The following DHX57 variants were observed in gnomAD, a reference collection of about 807,000 sequenced individuals.
DHX57 encodes the protein DExH-box helicase 57.
DHX57 carries 105 observed loss-of-function variants against 156.2 expected under a neutral mutation model. That is an observed-to-expected ratio of 0.67 (90% CI 0.57 to 0.79). The LOEUF (loss-of-function observed/expected upper bound fraction) is 0.79, where lower values mean the gene tolerates loss of function less well. Among genes scored for constraint, DHX57 ranks in the 30% least tolerant of loss-of-function variants. DHX57 has a pLI of 0.00. For missense variants in DHX57, 1,847 were observed against 1,661.9 expected (o/e 1.11, Z -1.94); for synonymous variants, 704 against 595.6 (o/e 1.18, Z -2.65).
At chr2:38,839,311 C>T (rs1490155722) in intron 12 of DHX57, among the ~76,000 whole-genome samples, 1 of 152,002 alleles carries the variant, frequency 6.6e-6, no homozygotes, top group Non-Finnish European at 1.5e-5. Context: ...CTCAGGCTCT[C>T]CTAATGACCT....
Position 38,858,848 on chromosome 2 carries a change from T to C in DHX57, c.1412-12A>G. 1 of 1,605,470 alleles carries C rather than the reference T, an allele frequency of 6.2e-7. No individual in the cohort carries two copies. The highest frequency in any genetic ancestry group is 8.5e-7 in the Non-Finnish European group (1 of 1,178,016). On this transcript the variant is annotated splice_polypyrimidine_tract_variant and intron_variant, in intron 5 of 23. Coordinates refer to ENST00000457308, the MANE Select transcript of DHX57 (RefSeq NM_198963.3). ...TGATGCTTTTTCAACTTGAAGGAAA[T>C]AAAAGAAAACATTTCAGTATGGAGC...
chr2:38,852,430 A>T (rs1354961746), intron 9 of DHX57, among the ~76,000 whole-genome samples: 1 of 150,134 alleles, frequency 6.7e-6, no homozygotes, highest in Admixed American at 6.7e-5. Context: ...CTTCTTCTCA[A>T]GATATTTATT....
intron 19 of DHX57, among the ~76,000 whole-genome samples, chr2:38,818,071 A>G (rs1670631425): frequency 6.6e-6 from 1 of 152,152 alleles, no homozygotes; most frequent in African/African-American, 2.4e-5. Flanking sequence ...CTGGTTCAGT[A>G]TTAGTTCTTT....
At chr2:38,824,012 AC>A (rs1319353074) in intron 16 of DHX57, among the ~76,000 whole-genome samples, 2 of 149,608 alleles carry the variant, frequency 1.3e-5, no homozygotes, top group African/African-American at 2.4e-5. Context: ...CTCTGTTTCC[AC>A]AAAAAAAAAA....
intron 2 of DHX57, among the ~76,000 whole-genome samples, chr2:38,863,824 C>A (rs1209596478): frequency 2.0e-5 from 3 of 151,750 alleles, no homozygotes; most frequent in Non-Finnish European, 4.4e-5. Flanking sequence ...ACCAGCCTGG[C>A]CAACATGGTG....
intron 2 of DHX57, among the ~76,000 whole-genome samples, chr2:38,865,665 T>C (rs1665032154): frequency 6.6e-6 from 1 of 152,134 alleles, no homozygotes; most frequent in Non-Finnish European, 1.5e-5. Flanking sequence ...GTTGGGAACA[T>C]TCCAAATTCT....
In DHX57 at chr2:38,861,346, A is replaced by G; in HGVS notation, c.1064T>C (p.Leu355Pro). Residue 355 changes from leucine (L) to proline (P), a missense_variant, in exon 5 of 24, where the codon CTT (leucine) becomes CCT (proline). Transcript: ENST00000457308. Reference protein sequence around the residue: ...AIEDASFLYELEIRFSKDHKY... With the variant: ...AIEDASFLYEPEIRFSKDHKY... Reference sequence around the variant, plus strand: ...GTGGTCTTTAGAAAATCGAATTTCAAGTTCATATAAAAAAGATGCATCTTC... The same window carrying G: ...GTGGTCTTTAGAAAATCGAATTTCAGGTTCATATAAAAAAGATGCATCTTC... 1 of 1,613,680 alleles carries G rather than the reference A, an allele frequency of 6.2e-7. No individual in the cohort carries two copies. Among genetic ancestry groups the G allele is most frequent in the Non-Finnish European group, 8.5e-7 (1 of 1,179,922 alleles).
intron 13 of DHX57, among the ~76,000 whole-genome samples, chr2:38,831,062 T>C (rs929989818): frequency 9.9e-5 from 15 of 151,798 alleles, no homozygotes; most frequent in Admixed American, 6.6e-5. Flanking sequence ...AGTGAAACTC[T>C]GTCTCAAAAA....
chr2:38,806,512 T>C (rs1669942359), intron 22 of DHX57, 47 bp downstream of exon 22: 1 of 1,596,744 alleles, frequency 6.3e-7, no homozygotes, highest in African/African-American at 1.3e-5. Context: ...TTGCATTTCC[T>C]ACCCCAGGAC....
intron 14 of DHX57, among the ~76,000 whole-genome samples, 154 bp downstream of exon 14, chr2:38,828,186 T>A (rs1015180504): frequency 6.6e-5 from 10 of 152,234 alleles, no homozygotes; most frequent in African/African-American, 2.2e-4. Context: ...AGGGAATAAC[T>A]GATTTCCTGC....
chr2:38,798,097 A>C lies in DHX57; in HGVS notation c.*202T>G, dbSNP rs528752004. The C allele has an allele frequency of 1.3e-5, 7 of 519,750 alleles. 1 individual carries two copies. In the South Asian group the frequency reaches 3.3e-4, roughly 24 times the overall value. The allele number at this position is 519,750 out of a possible 1,614,324, so 32.2% of individuals were successfully genotyped here. On this transcript the variant is annotated 3_prime_UTR_variant, in exon 24 of 24. Transcript: ENST00000457308. ...TTTAGGCTCTCACCCTTGACACTCC[A>C]AATTGTGCTGGGAGTGGCCAAGGCT...
intron 1 of DHX57, among the ~76,000 whole-genome samples, chr2:38,870,134 A>C (rs891930754): frequency 2.6e-5 from 4 of 152,166 alleles, no homozygotes; most frequent in Non-Finnish European, 5.9e-5. Context: ...GATGAACTTG[A>C]AGACAGACTG....
At chr2:38,870,842 G>A (rs1474820516) in intron 1 of DHX57, among the ~76,000 whole-genome samples, 2 of 151,760 alleles carry the variant, frequency 1.3e-5, no homozygotes, top group East Asian at 3.9e-4. Context: ...TTGCGCCACT[G>A]CACTCCAGCC....
intron 1 of DHX57, among the ~76,000 whole-genome samples, chr2:38,871,896 G>C (rs1310698489): frequency 6.6e-6 from 1 of 152,030 alleles, no homozygotes; most frequent in Non-Finnish European, 1.5e-5. Context: ...TTTTAGTAGA[G>C]ACAGGGTTTC....
chr2:38,803,434 T>C (rs1256173387), intron 22 of DHX57, among the ~76,000 whole-genome samples: 1 of 152,112 alleles, frequency 6.6e-6, no homozygotes, highest in Non-Finnish European at 1.5e-5. Context: ...TAGTCAGCTC[T>C]CTTTTCAAAT....
At chr2:38,871,015 T>C (rs72797389) in intron 1 of DHX57, among the ~76,000 whole-genome samples, 7,908 of 152,156 alleles carry the variant, frequency 0.052, 444 homozygotes, top group African/African-American at 0.14. Flanking sequence ...TTGTTGTCAA[T>C]AGACCCGCCT....
At chr2:38,833,176 C>A (rs1173410566) in intron 13 of DHX57, among the ~76,000 whole-genome samples, 1 of 151,728 alleles carries the variant, frequency 6.6e-6, no homozygotes, top group East Asian at 1.9e-4. Flanking sequence ...GAGTCTTGCT[C>A]TTGTAGCCCA....
intron 1 of DHX57, among the ~76,000 whole-genome samples, chr2:38,871,346 C>T (rs1054216739): frequency 6.6e-6 from 1 of 152,070 alleles, no homozygotes; most frequent in Non-Finnish European, 1.5e-5. Context: ...CGTAATTGTG[C>T]TGTGCTGAGA....
intron 22 of DHX57, 62 bp from the exon 23 acceptor site, chr2:38,802,977 C>G (rs1433988968): frequency 1.3e-6 from 2 of 1,582,162 alleles, no homozygotes; most frequent in Admixed American, 3.4e-5. Context: ...GGAACAACCC[C>G]CCAGTCCCAC....
Sources: gnomAD v4.1 joint callset for allele counts (sites outside exome capture counted in the v4.1 genomes callset) on GRCh38, gnomAD v4.1.1 for gene constraint, MANE v1.5 for transcripts, NCBI Gene and HGNC (gene_info 2026-07-23, HGNC 2026-07-21) for gene names.